TLE6: variants seen among roughly 807,000 people sequenced by gnomAD.
TLE6 encodes the protein TLE family member 6, subcortical maternal complex member, also known as transducin-like enhancer protein 6.
TLE6 carries 72 observed loss-of-function variants against 77.1 expected under a neutral mutation model. That is an observed-to-expected ratio of 0.93 (90% confidence interval 0.77 to 1.14). The LOEUF (loss-of-function observed/expected upper bound fraction) is 1.14, where lower values mean the gene tolerates loss of function less well. Ranked by LOEUF, TLE6 falls within the 50% of genes most tolerant of loss-of-function variation. The probability of loss-of-function intolerance (pLI) is 0.00; values close to 1 mark genes in which losing one functional copy is unlikely to be tolerated. For missense variants in TLE6, 843 were observed against 747.6 expected (o/e 1.13, Z -1.49); for synonymous variants, 366 against 287.3 (o/e 1.27, Z -2.77).
Position 2,994,893 on chromosome 19 carries a change from C to T in TLE6, c.1615-7C>T, listed in dbSNP as rs116114551. The T allele has an allele frequency of 1.2e-3, 1,965 of 1,579,988 alleles. 14 individuals are homozygous for T. In the African/African-American group the frequency reaches 0.015, roughly 12 times the overall value. ...CCCCAGCTCACTGCCCACTGCCCCC[C>T]CTCCAGGTGCCTGAGATGTCTCCAG... is the stretch of plus-strand genomic sequence containing the variant. On this transcript the variant is annotated splice_region_variant and splice_polypyrimidine_tract_variant and intron_variant, in intron 16 of 16. Transcript: ENST00000246112.
Position 2,994,015 on chromosome 19 carries a change from C to T in TLE6, c.1538-4C>T, listed in dbSNP as rs1723906824. 6.2e-7 allele frequency: 1 copy of T among 1,602,970 alleles called. No individual in the cohort carries two copies. Among genetic ancestry groups the T allele is most frequent in the Non-Finnish European group, 8.5e-7 (1 of 1,175,710 alleles). ...AAGTCTCGCTGATGCTCCATTTCTC[C>T]CAGGCCAGTGGTGGGCAAGCGTTGG... On this transcript the variant is annotated splice_polypyrimidine_tract_variant and splice_region_variant and intron_variant, in intron 15 of 16. Transcript: ENST00000246112.
intron 5 of TLE6, among the ~76,000 whole-genome samples, chr19:2,983,048 G>A (rs2145025245): frequency 6.6e-6 from 1 of 152,264 alleles, no homozygotes; most frequent in South Asian, 2.1e-4. Flanking sequence ...CCGCCACCTG[G>A]CCTTTTCTCC....
In TLE6 at chr19:2,993,596, G is replaced by T; in HGVS notation, c.1537+14G>T. The stretch of plus-strand genomic sequence containing the variant: ...TCTCCCCCTTTGGTAAGCGGCTGGC[G>T]GAAGATGAGGGGACTCCCCTGCAGC... On this transcript the variant is annotated intron_variant, in intron 15 of 16. Transcript: ENST00000246112. 1 of 1,539,362 alleles carries T rather than the reference G, an allele frequency of 6.5e-7. No individual in the cohort carries two copies. The highest frequency in any genetic ancestry group is 8.8e-7 in the Non-Finnish European group (1 of 1,138,254).
chr19:2,982,104 C>T lies in TLE6; in HGVS notation c.181-44C>T, dbSNP rs1414543074. On this transcript the variant is annotated intron_variant, in intron 4 of 16. Transcript: ENST00000246112. ...CTTGCCCAGGGTCACACAGCATTCA[C>T]ACCCGGACCACCTCCCGATGGGATC... The T allele has an allele frequency of 1.9e-6, 3 of 1,550,734 alleles. No individual in the cohort carries two copies. The East Asian group carries it at 7.3e-5, about 38-fold the overall frequency.
intron 3 of TLE6, 98 bp from the exon 4 acceptor site, chr19:2,981,440 C>G: frequency 7.3e-7 from 1 of 1,375,232 alleles, no homozygotes; most frequent in Non-Finnish European, 1.0e-6. Context: ...TGCCTTCCAG[C>G]TTCATTGAGA....
chr19:2,980,291 G>A (rs2088772053), intron 3 of TLE6, 109 bp downstream of exon 3: 1 of 854,442 alleles, frequency 1.2e-6, no homozygotes, highest in Admixed American at 2.6e-5. Flanking sequence ...CCAAGAGCCA[G>A]GCTCAGGAAC....
chr19:2,987,327 C>G (rs1315490815), intron 7 of TLE6, 29 bp from the exon 8 acceptor site: 1 of 1,614,134 alleles, frequency 6.2e-7, no homozygotes, highest in Non-Finnish European at 8.5e-7. Context: ...TCTCTGTCCC[C>G]CTCCTCCTCT....
intron 4 of TLE6, 111 bp downstream of exon 4, chr19:2,981,694 A>G: frequency 1.7e-6 from 2 of 1,178,868 alleles, no homozygotes; most frequent in Non-Finnish European, 1.2e-6. Context: ...TTTTCCGCCA[A>G]GCACTGTGCC....
At chr19:2,980,073 T>C (rs1276669809) in intron 2 of TLE6, 27 bp from the exon 3 acceptor site, 5 of 1,545,782 alleles carry the variant, frequency 3.2e-6, no homozygotes, top group African/African-American at 2.7e-5. Flanking sequence ...TTGTAAGTTT[T>C]ATGTAACCTT....
intron 3 of TLE6, 199 bp downstream of exon 3, chr19:2,980,381 T>A: frequency 4.9e-6 from 2 of 410,766 alleles, no homozygotes; most frequent in Non-Finnish European, 8.9e-6. Context: ...TACCAACAAA[T>A]ATTAAAATTT....
Position 2,994,050 on chromosome 19 carries a change from C to A in TLE6, c.1569C>A (p.Asp523Glu). The A allele has an allele frequency of 1.2e-6, 2 of 1,607,880 alleles. No homozygotes were observed. Among genetic ancestry groups the A allele is most frequent in the Non-Finnish European group, 1.7e-6 (2 of 1,177,552 alleles). ...GQWWASVGMDDFLGVYSMPAG... is the reference protein window; with the variant it reads ...GQWWASVGMDEFLGVYSMPAG... ...GGTGGGCAAGCGTTGGAATGGACGA[C>A]TTCCTTGGCGTCTACAGCATGCCGG... Residue 523 changes from aspartate to glutamate, a missense_variant, in exon 16 of 17, where the codon GAC becomes GAA. Transcript: ENST00000246112.
At chr19:2,978,387 C>G in intron 2 of TLE6, 103 bp downstream of exon 2, 3 of 1,187,654 alleles carry the variant, frequency 2.5e-6, no homozygotes, top group Non-Finnish European at 3.7e-6. Context: ...GCCCAGGCCT[C>G]GCAGCTGAAG....
intron 11 of TLE6, 181 bp from the exon 12 acceptor site, chr19:2,988,880 A>G: frequency 1.1e-6 from 1 of 898,418 alleles, no homozygotes; most frequent in Non-Finnish European, 1.6e-6. Context: ...GGGCTGTGGC[A>G]AAGGGACAAT....
chr19:2,978,377 G>A (rs1220060189), intron 2 of TLE6, 93 bp downstream of exon 2: 11 of 1,303,184 alleles, frequency 8.4e-6, no homozygotes, highest in African/African-American at 5.9e-5. Flanking sequence ...GGCTGGCCCC[G>A]CCCAGGCCTC....
intron 6 of TLE6, 21 bp downstream of exon 6, chr19:2,986,912 G>A: frequency 2.6e-6 from 4 of 1,552,474 alleles, no homozygotes; most frequent in Non-Finnish European, 3.5e-6. Context: ...GGGTCTTCAA[G>A]GAGGGGAGGG....
At chr19:2,978,988 C>T (rs1167563808) in intron 2 of TLE6, among the ~76,000 whole-genome samples, 1 of 152,128 alleles carries the variant, frequency 6.6e-6, no homozygotes, top group Non-Finnish European at 1.5e-5. Context: ...GAGTCTCACA[C>T]TCACCTCGGC....
At chr19:2,990,494 C>T (rs1472199184) in intron 13 of TLE6, among the ~76,000 whole-genome samples, 1 of 150,570 alleles carries the variant, frequency 6.6e-6, no homozygotes, top group Admixed American at 6.6e-5. Flanking sequence ...GTCCCAGCTA[C>T]TCGGGAGGCT....
At chr19:2,981,701 T>C in intron 4 of TLE6, 118 bp downstream of exon 4, 1 of 1,116,242 alleles carries the variant, frequency 9.0e-7, no homozygotes, top group Non-Finnish European at 1.3e-6. Flanking sequence ...CCAAGCACTG[T>C]GCCTCACGCC....
chr19:2,993,417 C>T lies in TLE6; in HGVS notation c.1387-15C>T. 1.9e-6 allele frequency: 3 copies of T among 1,592,606 alleles called. No homozygotes were observed. The highest frequency in any genetic ancestry group is 1.7e-4 in the Middle Eastern group (1 of 5,962). On this transcript the variant is annotated splice_polypyrimidine_tract_variant and intron_variant, in intron 14 of 16. Coordinates refer to ENST00000246112, the MANE Select transcript of TLE6 (RefSeq NM_001143986.2). Reference sequence around the variant, plus strand: ...ACCTAACCAGGTTCCTCCCTCCCCACTGCCCATTACCTAGATAATGAGCCT... The same window carrying T: ...ACCTAACCAGGTTCCTCCCTCCCCATTGCCCATTACCTAGATAATGAGCCT...
Sources: allele counts gnomAD v4.1 joint callset (sites outside exome capture counted in the v4.1 genomes callset), GRCh38; gene constraint gnomAD v4.1.1; transcripts MANE v1.5; gene names NCBI Gene and HGNC (gene_info 2026-07-23, HGNC 2026-07-21).